Variants in MYO9B observed in about 807,000 individuals in gnomAD.
MYO9B encodes the protein unconventional myosin-IXb.
MYO9B carries 71 observed loss-of-function variants against 229.5 expected under a neutral mutation model. That is an observed-to-expected ratio of 0.31 (90% confidence interval 0.26 to 0.38). The LOEUF (loss-of-function observed/expected upper bound fraction) is 0.38. Among genes scored for constraint, MYO9B ranks in the 10% least tolerant of loss-of-function variants. The probability of loss-of-function intolerance (pLI) is 1.00; values close to 1 mark genes in which losing one functional copy is unlikely to be tolerated. For synonymous variants in MYO9B, 1,185 were observed against 1,235.8 expected (o/e 0.96, Z 0.86); for missense variants, 2,255 against 2,920.5 (o/e 0.77, Z 5.25).
At chr19:17,206,225 G>GGGGGGGGGC in intron 32 of MYO9B, 23 bp from the exon 33 acceptor site, 1 of 1,564,632 alleles carries the variant, frequency 6.4e-7, no homozygotes, top group Non-Finnish European at 8.7e-7. Flanking sequence ...CCGCTCACCA[G>GGGGGGGGGC]ACCCACCCCA....
chr19:17,196,552 G>A (rs990042289), intron 22 of MYO9B, among the ~76,000 whole-genome samples: 12 of 151,988 alleles, frequency 7.9e-5, no homozygotes, highest in Non-Finnish European at 1.2e-4. Flanking sequence ...GCGTGGTGGC[G>A]CATGCTTGTA....
intron 7 of MYO9B, chr19:17,157,285 G>A (rs551697865): frequency 1.9e-5 from 8 of 417,088 alleles, no homozygotes; most frequent in African/African-American, 4.0e-5. Context: ...GGCCGGGTGC[G>A]GTGTCTCACC....
intron 24 of MYO9B, among the ~76,000 whole-genome samples, chr19:17,199,245 G>T (rs1354384086): frequency 1.3e-5 from 2 of 151,860 alleles, no homozygotes; most frequent in Non-Finnish European, 2.9e-5. Context: ...TGAGCTAGGC[G>T]CATGGCTTGT....
chr19:17,099,277 A>C (rs2057721634), intron 1 of MYO9B: 1 of 148,776 alleles, frequency 6.7e-6, no homozygotes, highest in Admixed American at 6.7e-5. Context: ...CATCTCAAGA[A>C]AAAAAAAAAA....
Position 17,211,926 on chromosome 19 carries a change from C to A in MYO9B, c.6090C>A (p.Gly2030=). The A allele has an allele frequency of 1.3e-6, 2 of 1,569,910 alleles. No individual in the cohort carries two copies. The highest frequency in any genetic ancestry group is 4.5e-5 in the East Asian group (2 of 44,140). The part of the protein sequence containing the change: ...GPPAPALPCP[G]APTPSPLPTV... ...CTGCGCCTGCTCTCCCTTGCCCCGG[C>A]GCGCCCACCCCGAGCCCCCTCCCCA... Residue 2030 remains glycine, a synonymous_variant, in exon 40 of 40, where the codon GGC becomes GGA. Coordinates refer to ENST00000682292, the MANE Select transcript of MYO9B (RefSeq NM_004145.4).
At chr19:17,128,690 C>T (rs921506051) in intron 2 of MYO9B, among the ~76,000 whole-genome samples, 14 of 152,240 alleles carry the variant, frequency 9.2e-5, no homozygotes, top group African/African-American at 3.4e-4. Context: ...CCCAGGTGGG[C>T]GTCACCTACT....
At chr19:17,100,724 C>T (rs1281802961) in intron 1 of MYO9B, among the ~76,000 whole-genome samples, 1 of 152,284 alleles carries the variant, frequency 6.6e-6, no homozygotes, top group Non-Finnish European at 1.5e-5. Flanking sequence ...TGCCCCCAGC[C>T]TGGGCCTGCC....
rs547230198 is a variant in MYO9B, at chr19:17,157,272, A to AG, written c.1329+238dup. ...GAAAGCCTCTTTAAAACTACAGCTCAGGGGCCGGGTGCGGTGTCTCACCTG... is the reference window on the plus strand; with the variant it reads ...GAAAGCCTCTTTAAAACTACAGCTCAGGGGGCCGGGTGCGGTGTCTCACCTG... On this transcript the variant is annotated intron_variant, in intron 7 of 39. Coordinates refer to ENST00000682292, the MANE Select transcript of MYO9B (RefSeq NM_004145.4). 4.4e-3 allele frequency: 2,020 copies of AG among 460,366 alleles called. 12 individuals are homozygous for AG. Among genetic ancestry groups the AG allele is most frequent in the Middle Eastern group, 0.016 (25 of 1,540 alleles). 28.5% of individuals were successfully genotyped at this position (460,366 alleles called of 1,614,324 possible).
chr19:17,163,614 C>T (rs530230984), intron 10 of MYO9B, among the ~76,000 whole-genome samples: 9 of 152,218 alleles, frequency 5.9e-5, no homozygotes, highest in Admixed American at 4.6e-4. Context: ...GCAATCTGCT[C>T]ACCTTGGTCT....
At chr19:17,163,218 C>A in intron 10 of MYO9B, 96 bp downstream of exon 10, 2 of 1,329,604 alleles carry the variant, frequency 1.5e-6, no homozygotes, top group Non-Finnish European at 2.0e-6. Context: ...TTCAGTTCAG[C>A]GGCGGTAAGT....
At chr19:17,166,162 C>G (rs1480437677) in intron 10 of MYO9B, among the ~76,000 whole-genome samples, 1 of 152,150 alleles carries the variant, frequency 6.6e-6, no homozygotes, top group Non-Finnish European at 1.5e-5. Flanking sequence ...CCTGCCCCAG[C>G]CTCCCCAGTA....
intron 24 of MYO9B, among the ~76,000 whole-genome samples, chr19:17,199,021 C>G (rs1230889689): frequency 1.3e-5 from 2 of 151,948 alleles, no homozygotes; most frequent in East Asian, 3.9e-4. Flanking sequence ...GGCAGCGTGG[C>G]AAAATCTTGT....
intron 1 of MYO9B, among the ~76,000 whole-genome samples, chr19:17,079,101 A>G (rs1277142355): frequency 1.3e-5 from 2 of 152,160 alleles, no homozygotes; most frequent in African/African-American, 2.4e-5. Flanking sequence ...GACTCCAGCC[A>G]TGGCCACGTG....
At chr19:17,174,933 C>CA (rs1159104694) in intron 13 of MYO9B, among the ~76,000 whole-genome samples, 29 of 131,664 alleles carry the variant, frequency 2.2e-4, no homozygotes, top group African/African-American at 3.4e-4. Flanking sequence ...GACTCTGTCT[C>CA]AAAAAAATAA....
intron 22 of MYO9B, among the ~76,000 whole-genome samples, chr19:17,197,395 G>GATAGAT (rs1568297716): frequency 7.0e-6 from 1 of 143,308 alleles, no homozygotes; most frequent in Admixed American, 6.8e-5. Context: ...ATGGATGGAT[G>GATAGAT]GATAGATAGA....
chr19:17,202,757 C>A, intron 28 of MYO9B, 85 bp from the exon 29 acceptor site: 1 of 1,380,160 alleles, frequency 7.2e-7, no homozygotes, highest in South Asian at 1.3e-5. Context: ...AGGGTACCCA[C>A]ACGCCTGAGT....
chr19:17,206,437 G>A (rs1403625053), intron 33 of MYO9B, 61 bp downstream of exon 33: 15 of 1,581,824 alleles, frequency 9.5e-6, no homozygotes, highest in African/African-American at 1.3e-5. Context: ...AGCGTTCGCT[G>A]TGACCAGCCC....
At chr19:17,092,450 CAT>C (rs951945371) in intron 1 of MYO9B, among the ~76,000 whole-genome samples, 100 of 152,284 alleles carry the variant, frequency 6.6e-4, no homozygotes, top group African/African-American at 2.2e-3. Context: ...TGGCTGGGCA[CAT>C]GTGTGTGCAT....
chr19:17,108,452 C>T (rs946135214), intron 2 of MYO9B, among the ~76,000 whole-genome samples: 2 of 152,178 alleles, frequency 1.3e-5, no homozygotes, highest in South Asian at 4.1e-4. Context: ...CATTGAGCAG[C>T]ATCCCTGGCC....
Sources: allele counts gnomAD v4.1 joint callset (sites outside exome capture counted in the v4.1 genomes callset), GRCh38; gene constraint gnomAD v4.1.1; transcripts MANE v1.5; gene names NCBI Gene and HGNC (gene_info 2026-07-23, HGNC 2026-07-21).